CAST: variants seen among roughly 807,000 people sequenced by gnomAD.
The protein encoded by CAST is MIR583 host.
CAST carries 76 observed loss-of-function variants against 119.6 expected under a neutral mutation model. The ratio of observed to expected loss-of-function variants is 0.64; its 90% confidence interval spans 0.53 to 0.77. CAST has a LOEUF of 0.77. CAST is among the 30% of genes least tolerant of loss of function. The pLI is 0.00. For missense variants in CAST, 953 were observed against 946.5 expected (o/e 1.01, Z -0.09); for synonymous variants, 319 against 331.6 (o/e 0.96, Z 0.41).
chr5:95,973,842 C>G, the CAST span, among the ~76,000 whole-genome samples: 1 of 152,256 alleles, frequency 6.6e-6, no homozygotes, highest in African/African-American at 2.4e-5. Context: ...GATTATTTCT[C>G]AACAATTTTA....
At chr5:96,150,065 G>T in the CAST span, among the ~76,000 whole-genome samples, 19 of 152,072 alleles carry the variant, frequency 1.2e-4, no homozygotes, top group African/African-American at 4.1e-4. Flanking sequence ...TTTATGCAGG[G>T]CATTCTGCTG....
chr5:96,039,411 C>T, the CAST span, among the ~76,000 whole-genome samples: 2 of 152,134 alleles, frequency 1.3e-5, no homozygotes, highest in Non-Finnish European at 1.5e-5. Context: ...GCTTTTGTTG[C>T]CATTGCTTTT....
chr5:96,148,483 C>T, the CAST span, among the ~76,000 whole-genome samples: 1 of 152,156 alleles, frequency 6.6e-6, no homozygotes, highest in Non-Finnish European at 1.5e-5. Flanking sequence ...TCTAGGCAGG[C>T]AGTTTCTTTA....
At chr5:96,707,023 C>T (rs1056913017) in intron 3 of CAST, among the ~76,000 whole-genome samples, 1 of 152,170 alleles carries the variant, frequency 6.6e-6, no homozygotes, top group Admixed American at 6.5e-5. Flanking sequence ...ACCACTCAAC[C>T]CGAGGTGCAA....
At chr5:96,253,935 G>A in the CAST span, among the ~76,000 whole-genome samples, 1 of 150,800 alleles carries the variant, frequency 6.6e-6, no homozygotes, top group Non-Finnish European at 1.5e-5. Context: ...TTTTGTAGGA[G>A]AGGCTAGGGA....
At chr5:96,729,786 C>T (rs1760077497) in intron 8 of CAST, 61 bp downstream of exon 8, 1 of 768,302 alleles carries the variant, frequency 1.3e-6, no homozygotes, top group Non-Finnish European at 2.4e-6. Context: ...ATACGGTTCC[C>T]CTGTTCACAC....
intron 1 of CAST, among the ~76,000 whole-genome samples, chr5:96,640,930 A>T (rs942124089): frequency 2.0e-5 from 3 of 152,216 alleles, no homozygotes; most frequent in African/African-American, 7.2e-5. Context: ...GGGGATCCGG[A>T]TGGCTTATCA....
the CAST span, among the ~76,000 whole-genome samples, chr5:96,103,771 A>G: frequency 2.8e-3 from 430 of 151,856 alleles, 12 homozygotes; most frequent in Admixed American, 0.024. Flanking sequence ...CTGAGGAATC[A>G]CCACACTGAC....
the CAST span, among the ~76,000 whole-genome samples, chr5:96,336,401 A>C: frequency 6.6e-6 from 1 of 152,234 alleles, no homozygotes; most frequent in Non-Finnish European, 1.5e-5. Flanking sequence ...ACCCATAGCT[A>C]AATACATAGT....
chr5:96,757,548 A>G (rs766023290), intron 23 of CAST, 35 bp from the exon 24 acceptor site: 21 of 1,611,702 alleles, frequency 1.3e-5, no homozygotes, highest in Middle Eastern at 1.6e-4. Flanking sequence ...CCTGATTGCA[A>G]TGGTGTTTGT....
chr5:96,403,824 A>G, the CAST span, among the ~76,000 whole-genome samples: 1 of 152,204 alleles, frequency 6.6e-6, no homozygotes, highest in Non-Finnish European at 1.5e-5. Flanking sequence ...CCACTAAGTC[A>G]AGACTTTTTT....
At chr5:96,251,867 T>C in the CAST span, among the ~76,000 whole-genome samples, 1 of 152,320 alleles carries the variant, frequency 6.6e-6, no homozygotes, top group Admixed American at 6.5e-5. Flanking sequence ...GCACTAAGAA[T>C]GCTGACAATT....
In CAST at chr5:96,759,972, G is replaced by A. The variant is rs74949388; in HGVS notation, c.1834-2302G>A. On this transcript the variant is annotated intron_variant, in intron 24 of 31. Coordinates refer to ENST00000675179, the MANE Select transcript of CAST (RefSeq NM_001750.7). ...AGATTAAACAAAAATATTAAACTGC[G>A]TAATTCACAAAACCTAAAAAAAGAC... is the stretch of plus-strand genomic sequence containing the variant. 4.0e-3 allele frequency among the ~76,000 whole-genome samples: 613 copies of A among 152,000 alleles called. 6 individuals carry two copies. The highest frequency in any genetic ancestry group is 0.012 in the African/African-American group (513 of 41,528).
the CAST span, among the ~76,000 whole-genome samples, chr5:96,326,475 T>G: frequency 6.6e-6 from 1 of 152,184 alleles, no homozygotes; most frequent in Non-Finnish European, 1.5e-5. Flanking sequence ...TAATTTTATC[T>G]GTCAAACTCC....
the CAST span, among the ~76,000 whole-genome samples, chr5:96,328,058 T>C: frequency 6.6e-6 from 1 of 152,206 alleles, no homozygotes; most frequent in Non-Finnish European, 1.5e-5. Context: ...CACATGTAGC[T>C]TTGGTTGAAA....
chr5:96,369,254 T>C, the CAST span, among the ~76,000 whole-genome samples: 1 of 152,044 alleles, frequency 6.6e-6, no homozygotes, highest in Non-Finnish European at 1.5e-5. Flanking sequence ...GAGTTTTTCA[T>C]TTTTTATTCT....
the CAST span, chr5:96,432,962 C>T: frequency 6.2e-7 from 1 of 1,614,236 alleles, no homozygotes; most frequent in Non-Finnish European, 8.5e-7. Flanking sequence ...ATTGCCTTTT[C>T]GCTTTTGCAC....
chr5:96,168,735 A>G, the CAST span, among the ~76,000 whole-genome samples: 1 of 152,188 alleles, frequency 6.6e-6, no homozygotes, highest in Admixed American at 6.5e-5. Context: ...CATGGGGGTC[A>G]GGTGTGGTAT....
intron 24 of CAST, chr5:96,760,916 G>C (rs1051986167): frequency 6.6e-6 from 1 of 151,800 alleles, no homozygotes; most frequent in Non-Finnish European, 1.5e-5. Flanking sequence ...ATATGAAAAA[G>C]TACTAAAAAG....
Sources: allele counts gnomAD v4.1 joint callset (sites outside exome capture counted in the v4.1 genomes callset), GRCh38; gene constraint gnomAD v4.1.1; transcripts MANE v1.5; gene names NCBI Gene and HGNC (gene_info 2026-07-23, HGNC 2026-07-21).